CRYL1: variants seen among roughly 807,000 people sequenced by gnomAD.
CRYL1 encodes the protein lambda-crystallin homolog.
Under a neutral mutation model 36.6 loss-of-function variants are expected in CRYL1, and 29 were observed. That is an observed-to-expected ratio of 0.79 (90% CI 0.59 to 1.08). CRYL1 has a LOEUF of 1.08. Ranked by LOEUF, CRYL1 falls within the 50% of genes least tolerant of loss-of-function variation. CRYL1 has a pLI of 0.00. For missense variants in CRYL1, 411 were observed against 407.9 expected, an observed-to-expected ratio of 1.01 and a Z score of -0.06; for synonymous variants, 152 against 151.5, an observed-to-expected ratio of 1.00 and a Z score of -0.02.
At chr13:20,451,091 A>C (rs967651144) in intron 3 of CRYL1, among the ~76,000 whole-genome samples, 13 of 151,568 alleles carry the variant, frequency 8.6e-5, no homozygotes, top group Non-Finnish European at 1.3e-4. Context: ...GGATAGCATT[A>C]GGAGATATAC....
chr13:20,495,316 G>A (rs2033586500), intron 2 of CRYL1, among the ~76,000 whole-genome samples: 1 of 152,188 alleles, frequency 6.6e-6, no homozygotes, highest in South Asian at 2.1e-4. Flanking sequence ...TCTACCTCTA[G>A]AGGTCAGCCT....
chr13:20,522,182 T>C (rs574312310), intron 1 of CRYL1, among the ~76,000 whole-genome samples: 1 of 152,238 alleles, frequency 6.6e-6, no homozygotes, highest in South Asian at 2.1e-4. Context: ...AAACCCTGTC[T>C]CTACTAAAAA....
intron 3 of CRYL1, among the ~76,000 whole-genome samples, chr13:20,454,372 T>C (rs1337269921): frequency 1.3e-5 from 2 of 149,486 alleles, no homozygotes; most frequent in Non-Finnish European, 1.5e-5. Flanking sequence ...TCCCAATAGA[T>C]GTAAAAAAAA....
At chr13:20,458,997 A>G (rs1050430417) in intron 3 of CRYL1, among the ~76,000 whole-genome samples, 9 of 152,352 alleles carry the variant, frequency 5.9e-5, no homozygotes, top group African/African-American at 2.2e-4. Context: ...GCACTTTGGG[A>G]GGCCGAGGCG....
intron 3 of CRYL1, among the ~76,000 whole-genome samples, chr13:20,461,219 A>C (rs542904478): frequency 6.6e-6 from 1 of 152,284 alleles, no homozygotes; most frequent in East Asian, 1.9e-4. Context: ...TTTTAATATG[A>C]TGCAGACACT....
At chr13:20,434,512 T>A (rs2032160172) in intron 4 of CRYL1, among the ~76,000 whole-genome samples, 1 of 151,616 alleles carries the variant, frequency 6.6e-6, no homozygotes, top group Non-Finnish European at 1.5e-5. Context: ...GGAACTCTGA[T>A]AGGACAGAAA....
intron 3 of CRYL1, among the ~76,000 whole-genome samples, chr13:20,456,633 CACACA>C (rs1428290098): frequency 0.089 from 4,185 of 46,918 alleles, 201 homozygotes; most frequent in African/African-American, 0.23. Flanking sequence ...CACACACACA[CACACA>C]AAGACCACGA....
At chr13:20,465,992 A>G (rs540492228) in intron 3 of CRYL1, among the ~76,000 whole-genome samples, 280 of 150,278 alleles carry the variant, frequency 1.9e-3, no homozygotes, top group Middle Eastern at 0.011. Context: ...CCCTTTCACC[A>G]TGTGATCTCT....
At chr13:20,429,779 C>T (rs1179944524) in intron 5 of CRYL1, among the ~76,000 whole-genome samples, 1 of 152,204 alleles carries the variant, frequency 6.6e-6, no homozygotes, top group Non-Finnish European at 1.5e-5. Context: ...CCAGTTCCAG[C>T]AGGCTCCCCT....
At chr13:20,488,435 A>C (rs998478487) in intron 3 of CRYL1, among the ~76,000 whole-genome samples, 2 of 152,256 alleles carry the variant, frequency 1.3e-5, no homozygotes, top group Non-Finnish European at 2.9e-5. Flanking sequence ...ACATTTGTTT[A>C]ATGAATTTTT....
chr13:20,443,313 A>G (rs891975939), intron 3 of CRYL1, among the ~76,000 whole-genome samples: 2 of 152,154 alleles, frequency 1.3e-5, no homozygotes, highest in African/African-American at 4.8e-5. Context: ...TCCAAAACAT[A>G]CATTTTCATG....
intron 3 of CRYL1, among the ~76,000 whole-genome samples, chr13:20,445,115 A>G (rs2032427161): frequency 6.6e-6 from 1 of 152,230 alleles, no homozygotes; most frequent in African/African-American, 2.4e-5. Flanking sequence ...TGGAACATAA[A>G]AAAGTTTATG....
At chr13:20,433,171 G>A (rs1035329424) in intron 4 of CRYL1, among the ~76,000 whole-genome samples, 5 of 152,098 alleles carry the variant, frequency 3.3e-5, no homozygotes, top group African/African-American at 4.8e-5. Flanking sequence ...GCACCCCGAC[G>A]AGCCCAACAC....
chr13:20,463,713 G>T (rs2032877234), intron 3 of CRYL1, among the ~76,000 whole-genome samples: 1 of 152,128 alleles, frequency 6.6e-6, no homozygotes, highest in African/African-American at 2.4e-5. Context: ...ACATTCAACA[G>T]ATTGGAAAAA....
chr13:20,460,595 G>A (rs7998183), intron 3 of CRYL1, among the ~76,000 whole-genome samples: 2 of 137,118 alleles, frequency 1.5e-5, no homozygotes, highest in East Asian at 2.2e-4. Flanking sequence ...GCGCTATCTC[G>A]GCTCACTGCA....
intron 3 of CRYL1, among the ~76,000 whole-genome samples, chr13:20,460,195 T>G (rs2032778069): frequency 6.6e-6 from 1 of 151,590 alleles, no homozygotes; most frequent in Admixed American, 6.5e-5. Flanking sequence ...GTTTCCTATT[T>G]TTTGTTATGA....
chr13:20,480,166 C>G (rs1322849632), intron 3 of CRYL1, among the ~76,000 whole-genome samples: 1 of 152,134 alleles, frequency 6.6e-6, no homozygotes, highest in Non-Finnish European at 1.5e-5. Context: ...GCAGGCGGAC[C>G]TGAGGTGAGT....
At chr13:20,427,085 T>A (rs1322342812) in intron 5 of CRYL1, 4 of 985,316 alleles carry the variant, frequency 4.1e-6, no homozygotes, top group African/African-American at 3.5e-5. Context: ...GCAACAAACT[T>A]AGCTACTGTC....
At chr13:20,468,400 T>C (rs2032986265) in intron 3 of CRYL1, among the ~76,000 whole-genome samples, 1 of 152,192 alleles carries the variant, frequency 6.6e-6, no homozygotes, top group African/African-American at 2.4e-5. Flanking sequence ...TAGCTGGAAC[T>C]ACAGATGCAT....
Sources: gnomAD v4.1 joint callset for allele counts (sites outside exome capture counted in the v4.1 genomes callset) on GRCh38, gnomAD v4.1.1 for gene constraint, MANE v1.5 for transcripts, NCBI Gene and HGNC (gene_info 2026-07-23, HGNC 2026-07-21) for gene names.